The following SLC25A25 variants were observed in gnomAD, a reference collection of about 807,000 sequenced individuals.
SLC25A25 encodes mitochondrial adenyl nucleotide antiporter SLC25A25.
In SLC25A25, 32 loss-of-function variants were observed where a neutral mutation model predicts 57.7. That is an observed-to-expected ratio of 0.55 (90% CI 0.42 to 0.74). The LOEUF is 0.74. Ranked by LOEUF, SLC25A25 falls within the 30% of genes least tolerant of loss-of-function variation. The probability of loss-of-function intolerance (pLI) is 0.00; values close to 1 mark genes in which losing one functional copy is unlikely to be tolerated. For missense variants in SLC25A25, 556 were observed against 701.3 expected, an observed-to-expected ratio of 0.79 and a Z score of 2.34; for synonymous variants, 306 against 291.2, an observed-to-expected ratio of 1.05 and a Z score of -0.52.
intron 1 of SLC25A25, among the ~76,000 whole-genome samples, chr9:128,078,797 A>T (rs992588800): frequency 6.6e-6 from 1 of 152,214 alleles, no homozygotes; most frequent in Non-Finnish European, 1.5e-5. Context: ...AGGCCAAGCC[A>T]GTTCCAGAAC....
intron 1 of SLC25A25, among the ~76,000 whole-genome samples, chr9:128,097,927 C>T (rs1013527550): frequency 4.6e-5 from 7 of 152,270 alleles, no homozygotes; most frequent in African/African-American, 1.7e-4. Context: ...TGCCTGGAGC[C>T]GTGTGTGGCC....
Position 128,101,318 on chromosome 9 carries a change from A to T in SLC25A25, c.398A>T (p.Asp133Val). The T allele has an allele frequency of 6.2e-7, 1 of 1,614,260 alleles. No homozygotes were observed. The highest frequency in any genetic ancestry group is 8.5e-7 in the Non-Finnish European group (1 of 1,180,046). Reference sequence around the variant, plus strand: ...GCCTCTGTTCTTGCAGGACGCATTGACGCGCAGGAGATCATGCAGTCCCTG... The same window carrying T: ...GCCTCTGTTCTTGCAGGACGCATTGTCGCGCAGGAGATCATGCAGTCCCTG... Reference protein sequence around the residue: ...SLDKKNDGRIDAQEIMQSLRD... With the variant: ...SLDKKNDGRIVAQEIMQSLRD... The change falls in exon 3 of 11, where the codon GAC becomes GTC. Residue 133 changes from aspartate (D) to valine (V), a missense_variant. Asp to Val is a radical substitution (Grantham distance 152). Coordinates refer to ENST00000373069, the MANE Select transcript of SLC25A25 (RefSeq NM_001330988.2). The surrounding 1 kb of genome is among the most constrained non-coding windows in gnomAD (Gnocchi z 4.9).
chr9:128,105,645 C>G, intron 6 of SLC25A25, 84 bp from the exon 7 acceptor site: 1 of 1,602,062 alleles, frequency 6.2e-7, no homozygotes, highest in South Asian at 1.1e-5. Flanking sequence ...TTGGCCGCAG[C>G]CGGTTGGCCA....
rs1345468142 is a variant in SLC25A25, at chr9:128,099,075, C to A, written c.262-2021C>A. ...TGCATGGGAGGAGAAGGCAGGGAGG[C>A]CCAGGAGTTGAGGGTGCTGCGTGGT... is the stretch of plus-strand genomic sequence containing the variant. On this transcript the variant is annotated intron_variant, in intron 1 of 10. Coordinates refer to ENST00000373069, the MANE Select transcript of SLC25A25 (RefSeq NM_001330988.2). This position sits in a 1 kb window ranked among gnomAD's most constrained non-coding sequence, Gnocchi z 6.8. The A allele has an allele frequency of 1.0e-6, 1 of 985,232 alleles. No homozygotes were observed. The allele number at this position is 985,232 out of a possible 1,614,324, so 61.0% of individuals were successfully genotyped here.
chr9:128,082,914 G>A (rs945864739), intron 1 of SLC25A25, among the ~76,000 whole-genome samples: 1 of 151,852 alleles, frequency 6.6e-6, no homozygotes, highest in African/African-American at 2.4e-5. Flanking sequence ...CACCACGCCC[G>A]GCCTGTACAT....
At chr9:128,080,349 C>CAAA (rs775059465) in intron 1 of SLC25A25, among the ~76,000 whole-genome samples, 63 of 108,480 alleles carry the variant, frequency 5.8e-4, no homozygotes, top group African/African-American at 2.3e-3. Context: ...GACTCCATCC[C>CAAA]AAAAAAAAAA....
chr9:128,104,412 C>G (rs1000158578), intron 6 of SLC25A25, among the ~76,000 whole-genome samples: 1 of 152,216 alleles, frequency 6.6e-6, no homozygotes, highest in African/African-American at 2.4e-5. Context: ...TTTCTCTCCC[C>G]AGTCTGCCTT....
intron 1 of SLC25A25, among the ~76,000 whole-genome samples, chr9:128,071,780 G>T (rs1832914336): frequency 6.7e-6 from 1 of 150,146 alleles, no homozygotes; most frequent in Admixed American, 6.6e-5. Flanking sequence ...GCGATGGTGT[G>T]ATTTCACTGA....
rs1834155204 is a variant in SLC25A25, at chr9:128,108,794, G to C, written c.*1350G>C. Reference sequence around the variant, plus strand: ...CTTTCCTTTGGCAGGTTGGGGAAGGGCTTGCCCCCAGCCTTAGGATTTCAG... The same window carrying C: ...CTTTCCTTTGGCAGGTTGGGGAAGGCCTTGCCCCCAGCCTTAGGATTTCAG... On this transcript the variant is annotated 3_prime_UTR_variant, in exon 11 of 11. Transcript: ENST00000373069. The C allele has an allele frequency of 6.6e-6, 1 of 152,286 alleles. No individual in the cohort carries two copies. Among genetic ancestry groups the C allele is most frequent in the Admixed American group, 6.5e-5 (1 of 15,288 alleles). 9.4% of individuals were successfully genotyped at this position (152,286 alleles called of 1,614,324 possible).
chr9:128,091,272 G>T, intron 1 of SLC25A25: 1 of 217,996 alleles, frequency 4.6e-6, no homozygotes, highest in Non-Finnish European at 7.8e-6. Flanking sequence ...TGTAAGCTGA[G>T]CCTCATCTGG....
intron 1 of SLC25A25, among the ~76,000 whole-genome samples, chr9:128,080,262 C>A (rs1833123064): frequency 6.8e-6 from 1 of 146,710 alleles, no homozygotes; most frequent in Non-Finnish European, 1.5e-5. Context: ...AAAAAAAAAC[C>A]CACAAAAAAC....
chr9:128,098,020 CT>C (rs1196538635), intron 1 of SLC25A25, among the ~76,000 whole-genome samples: 5 of 152,236 alleles, frequency 3.3e-5, no homozygotes, highest in African/African-American at 1.2e-4. Context: ...TCGGCCACCC[CT>C]CAGCCTCCTA....
At position 128,102,583 on chromosome 9, in the gene SLC25A25, A is replaced by G; in HGVS notation, c.624+102A>G. Reference sequence around the variant, plus strand: ...AGAGTGCAGCTGGGGCTTTCCAGCCACCTCCTCTTCCACAGGAGACTGTCC... The same window carrying G: ...AGAGTGCAGCTGGGGCTTTCCAGCCGCCTCCTCTTCCACAGGAGACTGTCC... On this transcript the variant is annotated intron_variant, in intron 5 of 10. Coordinates refer to ENST00000373069, the MANE Select transcript of SLC25A25 (RefSeq NM_001330988.2). The surrounding 1 kb of genome is among the most constrained non-coding windows in gnomAD (Gnocchi z 4.1). 1 of 852,604 alleles carries G rather than the reference A, an allele frequency of 1.2e-6. No individual in the cohort carries two copies. Among genetic ancestry groups the G allele is most frequent in the Non-Finnish European group, 1.8e-6 (1 of 544,290 alleles). The allele number at this position is 852,604 out of a possible 1,614,324, so 52.8% of individuals were successfully genotyped here.
At chr9:128,081,074 A>G (rs1833146301) in intron 1 of SLC25A25, among the ~76,000 whole-genome samples, 1 of 152,164 alleles carries the variant, frequency 6.6e-6, no homozygotes, top group South Asian at 2.1e-4. Context: ...ATAGGATCTA[A>G]AGGTAGATAG....
rs1833692388 is a variant in SLC25A25 at position 128,099,325 on chromosome 9, G to A, written c.262-1771G>A. 7.9e-7 allele frequency: 1 copy of A among 1,271,454 alleles called. No homozygotes were observed. Among genetic ancestry groups the A allele is most frequent in the East Asian group, 5.8e-5 (1 of 17,124 alleles). The allele number at this position is 1,271,454 out of a possible 1,614,324, so 78.8% of individuals were successfully genotyped here. On this transcript the variant is annotated intron_variant, in intron 1 of 10. Coordinates refer to ENST00000373069, the MANE Select transcript of SLC25A25 (RefSeq NM_001330988.2). This position sits in a 1 kb window ranked among gnomAD's most constrained non-coding sequence, Gnocchi z 6.8. ...TGCAGATCCAAGGAAGGAGACAGAAGGAGGCCCAGGCCCTGTGAGGCAGAA... is the reference window on the plus strand; with the variant it reads ...TGCAGATCCAAGGAAGGAGACAGAAAGAGGCCCAGGCCCTGTGAGGCAGAA...
rs371807427 is a variant in SLC25A25 at position 128,102,355 on chromosome 9, G to T, written c.513-15G>T. The T allele has an allele frequency of 6.2e-7, 1 of 1,607,434 alleles. No individual in the cohort carries two copies. Among genetic ancestry groups the T allele is most frequent in the African/African-American group, 1.3e-5 (1 of 74,760 alleles). On this transcript the variant is annotated splice_polypyrimidine_tract_variant and intron_variant, in intron 4 of 10. Transcript: ENST00000373069. The surrounding 1 kb of genome is among the most constrained non-coding windows in gnomAD (Gnocchi z 4.1). ...GGCATGTGGGCACGTGGGCAGCCTCGCCTCTGTCTTGCAGCATGGATAAAA... is the reference window on the plus strand; with the variant it reads ...GGCATGTGGGCACGTGGGCAGCCTCTCCTCTGTCTTGCAGCATGGATAAAA...
intron 1 of SLC25A25, chr9:128,100,807 G>T (rs1833760300): frequency 2.5e-6 from 1 of 397,134 alleles, no homozygotes; most frequent in East Asian, 5.3e-5. Context: ...GTCCCTGTCG[G>T]CCTCTGTCCG....
chr9:128,076,056 T>A lies in SLC25A25; in HGVS notation c.261+7476T>A, dbSNP rs187616864. Among the ~76,000 whole-genome samples the A allele has an allele frequency of 8.3e-3, 1,266 of 152,160 alleles. 14 individuals carry two copies. The highest frequency in any genetic ancestry group is 0.029 in the African/African-American group (1,205 of 41,494). Reference sequence around the variant, plus strand: ...ACTGTACCCAGCCAACTTTTTATTTTATTTTATTTTATTTTATTATGCCTG... The same window carrying A: ...ACTGTACCCAGCCAACTTTTTATTTAATTTTATTTTATTTTATTATGCCTG... On this transcript the variant is annotated intron_variant, in intron 1 of 10. Transcript: ENST00000373069.
intron 1 of SLC25A25, among the ~76,000 whole-genome samples, chr9:128,094,075 G>A (rs1361377316): frequency 2.0e-5 from 3 of 152,178 alleles, no homozygotes; most frequent in Non-Finnish European, 4.4e-5. Context: ...TTGAATCCAG[G>A]AGGCGGAGGT....
Sources: gnomAD v4.1 joint callset for allele counts (sites outside exome capture counted in the v4.1 genomes callset) on GRCh38, gnomAD v4.1.1 for gene constraint, Gnocchi (gnomAD v3.1) non-coding constraint, MANE v1.5 for transcripts, NCBI Gene and HGNC (gene_info 2026-07-23, HGNC 2026-07-21) for gene names.